The following PLCG2 variants were observed in gnomAD, a reference collection of about 807,000 sequenced individuals.
The protein encoded by PLCG2 is 1-phosphatidylinositol 4,5-bisphosphate phosphodiesterase gamma-2.
In PLCG2, 69 loss-of-function variants were observed where a neutral mutation model predicts 175.6. That is an observed-to-expected ratio of 0.39 (90% CI 0.32 to 0.48). PLCG2 has a LOEUF of 0.48. Among genes scored for constraint, PLCG2 ranks in the 20% least tolerant of loss-of-function variants. The pLI is 0.91. For synonymous variants in PLCG2, 827 were observed against 624.0 expected (o/e 1.33, Z -4.85); for missense variants, 1,798 against 1,650.9 (o/e 1.09, Z -1.54).
rs566564141 is a variant in PLCG2 at position 81,914,117 on chromosome 16, G to T, written c.2054+1401G>T. Among the ~76,000 whole-genome samples, 9 of 152,348 alleles carry T rather than the reference G, an allele frequency of 5.9e-5. No individual in the cohort carries two copies. In the East Asian group the frequency reaches 1.5e-3, roughly 26 times the overall value. On this transcript the variant is annotated intron_variant, in intron 19 of 32. Coordinates refer to ENST00000564138, the MANE Select transcript of PLCG2 (RefSeq NM_002661.5). ...GTGTTCAGTCCGCTGCACACGGATTGAAAACCTGCTGTGTGCCAGGCCCCA... is the reference window on the plus strand; with the variant it reads ...GTGTTCAGTCCGCTGCACACGGATTTAAAACCTGCTGTGTGCCAGGCCCCA...
At chr16:81,872,105 A>G (rs1255372103) in intron 7 of PLCG2, among the ~76,000 whole-genome samples, 2 of 152,144 alleles carry the variant, frequency 1.3e-5, no homozygotes, top group South Asian at 2.1e-4. Context: ...AGGCGGGTGG[A>G]TCATTTGAGG....
At position 81,928,634 on chromosome 16, in the gene PLCG2, C is replaced by G. The variant is rs367866295; in HGVS notation, c.2581+10C>G. ...AATACCTATAACGTCGGTACGTGCA[C>G]ACATCATCTTAGCCTGGATTTCCAC... On this transcript the variant is annotated intron_variant, in intron 24 of 32. Transcript: ENST00000564138. 9.1e-5 allele frequency: 143 copies of G among 1,578,820 alleles called. No individual in the cohort carries two copies. Among genetic ancestry groups the G allele is most frequent in the Non-Finnish European group, 1.2e-4 (133 of 1,147,956 alleles).
chr16:81,763,650 A>C (rs1444352813), intron 2 of PLCG2, among the ~76,000 whole-genome samples: 1 of 152,134 alleles, frequency 6.6e-6, no homozygotes, highest in Non-Finnish European at 1.5e-5. Context: ...CTTTTACTAC[A>C]TTCTATTGAG....
At chr16:81,848,559 C>G (rs1367268635) in intron 2 of PLCG2, among the ~76,000 whole-genome samples, 1 of 152,210 alleles carries the variant, frequency 6.6e-6, no homozygotes, top group Admixed American at 6.5e-5. Flanking sequence ...CCTGGTCTCT[C>G]TGTCCCTCTC....
chr16:81,786,228 C>T (rs751247647), intron 2 of PLCG2, 46 bp downstream of exon 2: 4 of 1,497,618 alleles, frequency 2.7e-6, no homozygotes, highest in Non-Finnish European at 3.7e-6. Flanking sequence ...CTCTGGGGCC[C>T]TGGCCTGAGC....
chr16:81,793,557 G>A (rs1911333015), intron 2 of PLCG2, among the ~76,000 whole-genome samples: 1 of 152,150 alleles, frequency 6.6e-6, no homozygotes, highest in African/African-American at 2.4e-5. Context: ...CTTTTGCTTA[G>A]GCATATCTTC....
chr16:81,833,097 G>C (rs1400807124), intron 2 of PLCG2, among the ~76,000 whole-genome samples: 1 of 152,192 alleles, frequency 6.6e-6, no homozygotes, highest in Non-Finnish European at 1.5e-5. Context: ...CAAGGTGAGG[G>C]TGCTTTCCTG....
intron 2 of PLCG2, among the ~76,000 whole-genome samples, chr16:81,817,018 A>G (rs143929666): frequency 6.6e-6 from 1 of 152,258 alleles, no homozygotes; most frequent in Non-Finnish European, 1.5e-5. Flanking sequence ...CGGGCACTGG[A>G]TGCGTTAGAT....
chr16:81,815,201 G>T (rs1904489814), intron 2 of PLCG2, among the ~76,000 whole-genome samples: 1 of 152,180 alleles, frequency 6.6e-6, no homozygotes, highest in Non-Finnish European at 1.5e-5. Context: ...TATGCGAAGG[G>T]AGGAGGTTTT....
intron 2 of PLCG2, among the ~76,000 whole-genome samples, chr16:81,770,919 G>A (rs555354708): frequency 6.6e-5 from 10 of 151,842 alleles, no homozygotes; most frequent in African/African-American, 2.4e-4. Context: ...TTAGCTGGGC[G>A]TGGTTGCAGG....
At chr16:81,800,552 G>A (rs968968041) in intron 2 of PLCG2, among the ~76,000 whole-genome samples, 7 of 152,088 alleles carry the variant, frequency 4.6e-5, no homozygotes, top group Middle Eastern at 3.4e-3. Context: ...ATCTCGTTCC[G>A]TTTTATGGCT....
chr16:81,800,070 TA>T (rs1567470450), intron 2 of PLCG2, among the ~76,000 whole-genome samples: 2 of 152,196 alleles, frequency 1.3e-5, no homozygotes, highest in African/African-American at 4.8e-5. Flanking sequence ...ATCTGTAAAA[TA>T]GGATAATAAT....
At chr16:81,817,451 G>C (rs1053630422) in intron 2 of PLCG2, among the ~76,000 whole-genome samples, 2 of 152,218 alleles carry the variant, frequency 1.3e-5, no homozygotes, top group Non-Finnish European at 2.9e-5. Flanking sequence ...ACGCTGGAGT[G>C]CATCGTCTTG....
chr16:81,771,000 G>A (rs1443480340), intron 2 of PLCG2, among the ~76,000 whole-genome samples: 2 of 151,340 alleles, frequency 1.3e-5, no homozygotes, highest in Non-Finnish European at 2.9e-5. Flanking sequence ...GGAGCTTGCC[G>A]TGAGCCGAGA....
intron 2 of PLCG2, chr16:81,798,737 C>G (rs1472804927): frequency 6.6e-6 from 1 of 152,292 alleles, no homozygotes; most frequent in African/African-American, 2.4e-5. Flanking sequence ...TGGAAACTAG[C>G]AAAATTAGGC....
chr16:81,792,758 T>G (rs1250245771), intron 2 of PLCG2, among the ~76,000 whole-genome samples: 1 of 151,954 alleles, frequency 6.6e-6, no homozygotes, highest in Non-Finnish European at 1.5e-5. Flanking sequence ...AGCATGGAGG[T>G]AACCGGCCCT....
At chr16:81,758,170 G>T (rs1157209200) in intron 2 of PLCG2, among the ~76,000 whole-genome samples, 1 of 152,090 alleles carries the variant, frequency 6.6e-6, no homozygotes, top group Non-Finnish European at 1.5e-5. Flanking sequence ...CAGAGATGGG[G>T]TTTCGCGGTG....
intron 1 of PLCG2, chr16:81,739,474 C>T (rs1567689777): frequency 6.6e-6 from 1 of 152,080 alleles, no homozygotes; most frequent in Non-Finnish European, 1.5e-5. Flanking sequence ...CTCTGGGAGC[C>T]CCCAGTATTT....
At chr16:81,805,873 C>G (rs1038023850) in intron 2 of PLCG2, among the ~76,000 whole-genome samples, 2 of 143,520 alleles carry the variant, frequency 1.4e-5, no homozygotes, top group Non-Finnish European at 3.0e-5. Flanking sequence ...CTCCTGGGCT[C>G]AAGTGATCCT....
Sources: gnomAD v4.1 joint callset for allele counts (sites outside exome capture counted in the v4.1 genomes callset) on GRCh38, gnomAD v4.1.1 for gene constraint, MANE v1.5 for transcripts, NCBI Gene and HGNC (gene_info 2026-07-23, HGNC 2026-07-21) for gene names.